Variants in SIAH3 observed in about 807,000 individuals in gnomAD.
SIAH3 encodes seven in absentia homolog 3.
Under a neutral mutation model 12.6 loss-of-function variants are expected in SIAH3, and 9 were observed. The ratio of observed to expected loss-of-function variants is 0.72; its 90% CI spans 0.43 to 1.25. SIAH3 has a LOEUF of 1.25. SIAH3 is among the 50% of genes most tolerant of loss of function. The pLI, the probability that SIAH3 is intolerant of heterozygous loss-of-function variation, is 0.00. For synonymous variants in SIAH3, 154 were observed against 151.1 expected, an observed-to-expected ratio of 1.02 and a Z score of -0.14; for missense variants, 390 against 365.4, an observed-to-expected ratio of 1.07 and a Z score of -0.55.
chr13:45,809,526 G>T (rs1458739501), intron 1 of SIAH3, among the ~76,000 whole-genome samples: 1 of 152,174 alleles, frequency 6.6e-6, no homozygotes, highest in African/African-American at 2.4e-5. Context: ...TCTTTCTCTA[G>T]CCTGGCTAAG....
chr13:45,784,174 C>T, intron 1 of SIAH3, 117 bp from the exon 2 acceptor site: 3 of 986,612 alleles, frequency 3.0e-6, no homozygotes, highest in South Asian at 3.3e-5. Context: ...GAGAAAGGTT[C>T]ATTTCTTAAA....
rs202034815 is a variant in SIAH3, at chr13:45,783,270, T to TAAA, written c.*110_*112dup. ...CAAAAAAATAATAATAATTAAAAAT[T>TAAA]AAAAAAAAAAAAAAGAAAGGAGAAG... On this transcript the variant is annotated 3_prime_UTR_variant, in exon 2 of 2. Coordinates refer to ENST00000400405, the MANE Select transcript of SIAH3 (RefSeq NM_198849.3). The TAAA allele has an allele frequency of 7.1e-4, 403 of 568,674 alleles. No individual in the cohort carries two copies. The highest frequency in any genetic ancestry group is 5.5e-3 in the African/African-American group (265 of 48,164). 35.2% of individuals were successfully genotyped at this position (568,674 alleles called of 1,614,324 possible).
intron 1 of SIAH3, among the ~76,000 whole-genome samples, chr13:45,794,952 CTT>C (rs35047520): frequency 1.4e-5 from 2 of 145,758 alleles, no homozygotes; most frequent in Non-Finnish European, 1.5e-5. Flanking sequence ...TCACTAGGAC[CTT>C]TTTTTTTTTT....
rs1462312724 is a variant in SIAH3 at position 45,795,934 on chromosome 13, C to T, written c.136-11877G>A. Among the ~76,000 whole-genome samples, 4 of 107,448 alleles carry T rather than the reference C, an allele frequency of 3.7e-5. No homozygotes were observed. In the East Asian group the frequency reaches 5.8e-4, roughly 16 times the overall value. 70.5% of individuals were successfully genotyped at this position (107,448 alleles called of 152,430 possible). A position where few individuals can be genotyped will look rare whatever the true frequency, so the allele number is the denominator to read the frequency against. ...GCTATACCCAACAACATGGATAGAT[C>T]TCAAAAACATGTTGAATTTTTAAAA... On this transcript the variant is annotated intron_variant, in intron 1 of 1. Transcript: ENST00000400405.
chr13:45,850,172 A>G (rs963111992), intron 1 of SIAH3, among the ~76,000 whole-genome samples: 1 of 152,198 alleles, frequency 6.6e-6, no homozygotes, highest in Admixed American at 6.5e-5. Context: ...CAGATGCACC[A>G]TAGGGGTCCC....
chr13:45,799,840 G>C (rs1950575424), intron 1 of SIAH3, among the ~76,000 whole-genome samples: 1 of 152,206 alleles, frequency 6.6e-6, no homozygotes, highest in South Asian at 2.1e-4. Flanking sequence ...CAGGGAGTTA[G>C]AACTAATCCT....
intron 1 of SIAH3, among the ~76,000 whole-genome samples, chr13:45,844,984 G>A (rs562329674): frequency 6.6e-6 from 1 of 152,164 alleles, no homozygotes; most frequent in Non-Finnish European, 1.5e-5. Context: ...TGCAACGACT[G>A]TTTCGAAGAT....
intron 1 of SIAH3, among the ~76,000 whole-genome samples, chr13:45,815,993 G>C (rs1339187909): frequency 6.6e-6 from 1 of 152,208 alleles, no homozygotes; most frequent in Non-Finnish European, 1.5e-5. Flanking sequence ...AATGCTCATA[G>C]CTAAGCCACG....
At chr13:45,815,753 C>T (rs369968448) in intron 1 of SIAH3, among the ~76,000 whole-genome samples, 48 of 152,150 alleles carry the variant, frequency 3.2e-4, no homozygotes, top group African/African-American at 1.0e-3. Context: ...TAGGAAAATG[C>T]GAAACAAAAC....
At chr13:45,835,723 C>T (rs1464052192) in intron 1 of SIAH3, among the ~76,000 whole-genome samples, 1 of 152,172 alleles carries the variant, frequency 6.6e-6, no homozygotes, top group Non-Finnish European at 1.5e-5. Context: ...CATCTGTGAG[C>T]TCGGACCCAG....
intron 1 of SIAH3, among the ~76,000 whole-genome samples, chr13:45,836,833 C>G (rs1950719600): frequency 6.6e-6 from 1 of 152,240 alleles, no homozygotes; most frequent in African/African-American, 2.4e-5. Flanking sequence ...GACCCTGCTT[C>G]CTGTTGCTGG....
At chr13:45,811,832 C>T (rs73470601) in intron 1 of SIAH3, among the ~76,000 whole-genome samples, 2,194 of 152,280 alleles carry the variant, frequency 0.014, 53 homozygotes, top group African/African-American at 0.05. Flanking sequence ...TTCACCTCTA[C>T]TGACCTAGGG....
intron 1 of SIAH3, among the ~76,000 whole-genome samples, chr13:45,822,395 A>G (rs1950658860): frequency 6.6e-6 from 1 of 151,820 alleles, no homozygotes; most frequent in African/African-American, 2.4e-5. Flanking sequence ...AGACTGAGCC[A>G]AAAGGACTTT....
chr13:45,850,381 G>A (rs1401328652), intron 1 of SIAH3, among the ~76,000 whole-genome samples: 1 of 152,184 alleles, frequency 6.6e-6, no homozygotes. Flanking sequence ...CCCAACAGCA[G>A]TGGTCAGAGG....
intron 1 of SIAH3, among the ~76,000 whole-genome samples, chr13:45,845,187 A>AT (rs34053407): frequency 0.013 from 1,860 of 140,418 alleles, 8 homozygotes; most frequent in Non-Finnish European, 0.019. Context: ...TGTTTTATGC[A>AT]TTTTTTTTTT....
At chr13:45,834,759 G>A (rs896438171) in intron 1 of SIAH3, among the ~76,000 whole-genome samples, 3 of 152,126 alleles carry the variant, frequency 2.0e-5, no homozygotes, top group Non-Finnish European at 4.4e-5. Flanking sequence ...CCTTCTGGAG[G>A]TGATGCAGGA....
chr13:45,826,429 A>T (rs367557719), intron 1 of SIAH3, among the ~76,000 whole-genome samples: 1 of 4,606 alleles, frequency 2.2e-4, no homozygotes, highest in Non-Finnish European at 4.9e-4. Flanking sequence ...GGATGGATGG[A>T]TGAATGGATG....
chr13:45,817,247 C>A (rs1347421652), intron 1 of SIAH3, among the ~76,000 whole-genome samples: 3 of 152,208 alleles, frequency 2.0e-5, no homozygotes, highest in African/African-American at 7.2e-5. Context: ...TTTAGATACA[C>A]AAATACCATT....
chr13:45,827,714 G>A (rs1036402), intron 1 of SIAH3, among the ~76,000 whole-genome samples: 67,160 of 152,122 alleles, frequency 0.44, 15,465 homozygotes, highest in African/African-American at 0.55. Flanking sequence ...GGCTCTGATT[G>A]ATTCAGTAAA....
Sources: gnomAD v4.1 joint callset for allele counts (sites outside exome capture counted in the v4.1 genomes callset) on GRCh38, gnomAD v4.1.1 for gene constraint, MANE v1.5 for transcripts, NCBI Gene and HGNC (gene_info 2026-07-23, HGNC 2026-07-21) for gene names.